The following MYO1D variants were observed in gnomAD, a reference collection of about 807,000 sequenced individuals.
The protein encoded by MYO1D is unconventional myosin-Id.
MYO1D carries 83 observed loss-of-function variants against 122.0 expected under a neutral mutation model. The observed-to-expected ratio is 0.68, with a 90% CI of 0.57 to 0.82. The LOEUF is 0.82. MYO1D is among the 40% of genes least tolerant of loss of function. The pLI is 0.00. For synonymous variants in MYO1D, 464 were observed against 446.9 expected (o/e 1.04, Z -0.48); for missense variants, 1,157 against 1,269.5 (o/e 0.91, Z 1.35).
At chr17:32,775,173 T>C (rs957599332) in intron 4 of MYO1D, among the ~76,000 whole-genome samples, 2 of 152,004 alleles carry the variant, frequency 1.3e-5, no homozygotes, top group African/African-American at 2.4e-5. Flanking sequence ...TGGTGGGCCA[T>C]GCCTGTGGTC....
At chr17:32,504,841 G>GC (rs1909441459) in intron 21 of MYO1D, 2 of 152,308 alleles carry the variant, frequency 1.3e-5, no homozygotes, top group Admixed American at 1.3e-4. Flanking sequence ...CCCTCAAAGT[G>GC]CTTCCCTCCT....
intron 1 of MYO1D, among the ~76,000 whole-genome samples, chr17:32,860,206 C>T (rs2091058206): frequency 6.6e-6 from 1 of 152,198 alleles, no homozygotes; most frequent in African/African-American, 2.4e-5. Flanking sequence ...AAGGGAATCA[C>T]AGACAAGTGG....
chr17:32,736,737 CTG>C (rs1301235167), intron 14 of MYO1D, among the ~76,000 whole-genome samples: 1 of 152,196 alleles, frequency 6.6e-6, no homozygotes. Flanking sequence ...AATTGACTAA[CTG>C]TAGTTAACTG....
chr17:32,876,673 TG>T, intron 1 of MYO1D, 104 bp downstream of exon 1: 2 of 914,830 alleles, frequency 2.2e-6, no homozygotes, highest in Non-Finnish European at 3.1e-6. Flanking sequence ...CCTCCATCCC[TG>T]GAGCTTGGGC....
At chr17:32,807,510 T>C (rs1358226668) in intron 1 of MYO1D, among the ~76,000 whole-genome samples, 1 of 152,182 alleles carries the variant, frequency 6.6e-6, no homozygotes, top group East Asian at 1.9e-4. Flanking sequence ...ATACTAAAGG[T>C]AACATTAGCA....
intron 21 of MYO1D, among the ~76,000 whole-genome samples, chr17:32,527,249 G>A (rs1362555855): frequency 6.6e-6 from 1 of 152,178 alleles, no homozygotes; most frequent in Non-Finnish European, 1.5e-5. Context: ...AGAAGAACAA[G>A]GAAGGCATGT....
At chr17:32,671,156 C>G (rs2088714093) in intron 16 of MYO1D, among the ~76,000 whole-genome samples, 1 of 152,234 alleles carries the variant, frequency 6.6e-6, no homozygotes, top group Non-Finnish European at 1.5e-5. Context: ...TTGTAACACT[C>G]CCTTTGGGGC....
rs58466009 is a variant in MYO1D at position 32,818,125 on chromosome 17, C to CAAAAAAAAA, written c.96-37350_96-37342dup. Among the ~76,000 whole-genome samples, 18 of 46,000 alleles carry CAAAAAAAAA rather than the reference C, an allele frequency of 3.9e-4. 1 individual carries two copies. Among genetic ancestry groups the CAAAAAAAAA allele is most frequent in the East Asian group, 1.6e-3 (2 of 1,248 alleles). The allele number at this position is 46,000 out of a possible 152,430, so 30.2% of individuals were successfully genotyped here. Reference sequence around the variant, plus strand: ...TGGGCGACAGAGCGAGACTCCGTCTCAAAAAAAAAAAAAAAAAAAAGAGGT... The same window carrying CAAAAAAAAA: ...TGGGCGACAGAGCGAGACTCCGTCTCAAAAAAAAAAAAAAAAAAAAAAAAAAAAAGAGGT... On this transcript the variant is annotated intron_variant, in intron 1 of 21. Transcript: ENST00000318217.
chr17:32,560,333 A>T (rs1320276386), intron 21 of MYO1D, among the ~76,000 whole-genome samples: 1 of 151,744 alleles, frequency 6.6e-6, no homozygotes, highest in African/African-American at 2.4e-5. Context: ...AGAATAAGCT[A>T]GTCTCTTCTT....
chr17:32,734,887 T>A (rs2089680281), intron 14 of MYO1D: 1 of 151,070 alleles, frequency 6.6e-6, no homozygotes, highest in African/African-American at 2.4e-5. Context: ...CTGGTCAACA[T>A]GGTGAAACCC....
At chr17:32,876,585 G>C (rs1325184826) in intron 1 of MYO1D, among the ~76,000 whole-genome samples, 193 bp downstream of exon 1, 2 of 152,126 alleles carry the variant, frequency 1.3e-5, no homozygotes, top group African/African-American at 2.4e-5. Context: ...CAAAGCGGCC[G>C]CACCCCAGGG....
intron 1 of MYO1D, among the ~76,000 whole-genome samples, chr17:32,856,867 G>C (rs2091031407): frequency 6.6e-6 from 1 of 152,094 alleles, no homozygotes; most frequent in Non-Finnish European, 1.5e-5. Context: ...ATGAGAAGAG[G>C]TACTGGGAAA....
chr17:32,808,889 T>C (rs1464433764), intron 1 of MYO1D, among the ~76,000 whole-genome samples: 1 of 152,206 alleles, frequency 6.6e-6, no homozygotes, highest in Non-Finnish European at 1.5e-5. Context: ...CTTTATGATA[T>C]TTTGTTAGAG....
intron 17 of MYO1D, among the ~76,000 whole-genome samples, chr17:32,657,614 T>A (rs1396709262): frequency 6.6e-6 from 1 of 152,260 alleles, no homozygotes; most frequent in South Asian, 2.1e-4. Flanking sequence ...AGAACAAATG[T>A]AGCAGACCTG....
intron 20 of MYO1D, among the ~76,000 whole-genome samples, chr17:32,622,636 A>G (rs2087867902): frequency 6.6e-6 from 1 of 152,112 alleles, no homozygotes; most frequent in African/African-American, 2.4e-5. Context: ...ATCTGGGAGA[A>G]CACTCCAGGG....
rs1361982448 is a variant in MYO1D, at chr17:32,581,234, G to C, written c.2864+23853C>G. Reference sequence around the variant, plus strand: ...CTGTCAAATTTACTGGCATAAAGTTGTATCACATTCTTTTGTTACGCAGTT... The same window carrying C: ...CTGTCAAATTTACTGGCATAAAGTTCTATCACATTCTTTTGTTACGCAGTT... On this transcript the variant is annotated intron_variant, in intron 21 of 21. Transcript: ENST00000318217. Among the ~76,000 whole-genome samples the C allele has an allele frequency of 3.3e-5, 5 of 152,170 alleles. No homozygotes were observed. The East Asian group carries it at 9.7e-4, about 29-fold the overall frequency.
At chr17:32,516,202 G>C (rs1280940773) in intron 21 of MYO1D, among the ~76,000 whole-genome samples, 1 of 152,206 alleles carries the variant, frequency 6.6e-6, no homozygotes, top group Non-Finnish European at 1.5e-5. Flanking sequence ...TCCAACAGAT[G>C]AAACATTCCA....
intron 19 of MYO1D, among the ~76,000 whole-genome samples, 187 bp downstream of exon 19, chr17:32,653,656 A>T (rs1170201038): frequency 2.6e-5 from 4 of 151,386 alleles, no homozygotes; most frequent in Non-Finnish European, 5.9e-5. Flanking sequence ...GGAAGGCTTT[A>T]TAGCCTAACT....
At chr17:32,803,707 C>A (rs2090480700) in intron 1 of MYO1D, among the ~76,000 whole-genome samples, 1 of 152,108 alleles carries the variant, frequency 6.6e-6, no homozygotes. Flanking sequence ...TGACCCTAAC[C>A]CCAAGGATCC....
Sources: gnomAD v4.1 joint callset for allele counts (sites outside exome capture counted in the v4.1 genomes callset) on GRCh38, gnomAD v4.1.1 for gene constraint, MANE v1.5 for transcripts, NCBI Gene and HGNC (gene_info 2026-07-23, HGNC 2026-07-21) for gene names.